Variants in MYH15 observed in about 807,000 individuals in gnomAD.
MYH15 encodes the protein myosin-15.
In MYH15, 227 loss-of-function variants were observed where a neutral mutation model predicts 240.5. The ratio of observed to expected loss-of-function variants is 0.94; its 90% CI spans 0.85 to 1.05. The LOEUF (loss-of-function observed/expected upper bound fraction) is 1.05. Among genes scored for constraint, MYH15 ranks in the 50% least tolerant of loss-of-function variants. The probability of loss-of-function intolerance (pLI) is 0.00; values close to 1 mark genes in which losing one functional copy is unlikely to be tolerated. For missense variants in MYH15, 2,217 were observed against 2,247.5 expected (o/e 0.99, Z 0.27); for synonymous variants, 785 against 796.7 (o/e 0.99, Z 0.25).
At chr3:108,437,724 C>T in intron 24 of MYH15, 25 bp from the exon 25 acceptor site, 1 of 1,601,176 alleles carries the variant, frequency 6.2e-7, no homozygotes, top group South Asian at 1.1e-5. Flanking sequence ...CATTATTTAG[C>T]TAAATAAATA....
At chr3:108,437,440 G>T in intron 25 of MYH15, 114 bp downstream of exon 25, 1 of 1,325,876 alleles carries the variant, frequency 7.5e-7, no homozygotes, top group Non-Finnish European at 1.0e-6. Flanking sequence ...TGTTATCCTT[G>T]CCTTGGGTCT....
At chr3:108,442,242 G>A (rs1213520980) in intron 22 of MYH15, among the ~76,000 whole-genome samples, 1 of 152,102 alleles carries the variant, frequency 6.6e-6, no homozygotes, top group Non-Finnish European at 1.5e-5. Context: ...GGGGGGCTGG[G>A]GGGAGGTAAA....
intron 16 of MYH15, among the ~76,000 whole-genome samples, chr3:108,462,245 C>T (rs1407970908): frequency 1.3e-5 from 2 of 152,052 alleles, no homozygotes; most frequent in African/African-American, 4.8e-5. Context: ...TCAGTATCTT[C>T]AAATCCATCA....
intron 29 of MYH15, among the ~76,000 whole-genome samples, chr3:108,415,306 GT>G (rs1481972781): frequency 1.3e-5 from 2 of 152,148 alleles, no homozygotes; most frequent in Non-Finnish European, 2.9e-5. Context: ...AGGGCACAAG[GT>G]TTAGTTAATG....
At chr3:108,424,316 C>T (rs1041022920) in intron 27 of MYH15, among the ~76,000 whole-genome samples, 1 of 152,210 alleles carries the variant, frequency 6.6e-6, no homozygotes, top group Non-Finnish European at 1.5e-5. Context: ...CTGCTAACCA[C>T]TGGTATAGTG....
intron 14 of MYH15, among the ~76,000 whole-genome samples, chr3:108,467,796 G>A (rs1202262106): frequency 6.6e-6 from 1 of 152,008 alleles, no homozygotes; most frequent in Non-Finnish European, 1.5e-5. Flanking sequence ...AATTATTGAT[G>A]TACAAGTTCT....
At chr3:108,467,667 T>C (rs2083131500) in intron 14 of MYH15, among the ~76,000 whole-genome samples, 1 of 152,214 alleles carries the variant, frequency 6.6e-6, no homozygotes, top group South Asian at 2.1e-4. Context: ...AAATGAATAG[T>C]AAGTTTTTAA....
chr3:108,411,887 G>A (rs1228931706), intron 30 of MYH15, among the ~76,000 whole-genome samples: 1 of 152,168 alleles, frequency 6.6e-6, no homozygotes, highest in African/African-American at 2.4e-5. Context: ...TATGTGCTCA[G>A]GATCCAGGAA....
the MYH15 span, among the ~76,000 whole-genome samples, chr3:108,540,072 A>T: frequency 1.3e-5 from 2 of 152,086 alleles, no homozygotes; most frequent in African/African-American, 4.8e-5. Context: ...AAAGCACACT[A>T]AAAAAAATCC....
intron 2 of MYH15, among the ~76,000 whole-genome samples, chr3:108,505,522 G>A (rs558439033): frequency 5.9e-5 from 9 of 152,076 alleles, no homozygotes; most frequent in African/African-American, 1.2e-4. Flanking sequence ...TGCCTGCCTC[G>A]GCCTCCCAAA....
intron 39 of MYH15, 139 bp from the exon 40 acceptor site, chr3:108,383,868 G>A: frequency 1.5e-6 from 1 of 654,650 alleles, no homozygotes; most frequent in East Asian, 3.0e-5. Flanking sequence ...ATCATATTTT[G>A]GTATGATATA....
chr3:108,493,805 G>C (rs1172694325), intron 7 of MYH15, among the ~76,000 whole-genome samples: 1 of 152,228 alleles, frequency 6.6e-6, no homozygotes, highest in African/African-American at 2.4e-5. Context: ...AAGCCATGTA[G>C]AACACGGGAA....
chr3:108,404,066 G>A (rs944191691), intron 33 of MYH15, among the ~76,000 whole-genome samples: 1 of 151,964 alleles, frequency 6.6e-6, no homozygotes, highest in Non-Finnish European at 1.5e-5. Flanking sequence ...TCAAGGCCCA[G>A]GGTTTTTGCC....
chr3:108,423,791 GCA>G (rs138924256), intron 27 of MYH15, among the ~76,000 whole-genome samples: 1 of 152,136 alleles, frequency 6.6e-6, no homozygotes, highest in African/African-American at 2.4e-5. Context: ...CTGTGCAGAT[GCA>G]CACACACACA....
chr3:108,424,735 ATAAAG>A lies in MYH15; in HGVS notation c.3703-3526_3703-3522del, dbSNP rs1044606040. ...TCTTGCCATTATAATTCATAAAATG[ATAAAG>A]TAAACAATTCAAGGAACAGTTTAGC... is the stretch of plus-strand genomic sequence containing the variant. On this transcript the variant is annotated intron_variant, in intron 27 of 40. Coordinates refer to ENST00000693548, the MANE Select transcript of MYH15 (RefSeq NM_014981.3). 9.2e-5 allele frequency among the ~76,000 whole-genome samples: 14 copies of A among 152,378 alleles called. 1 individual carries two copies. The highest frequency in any genetic ancestry group is 7.2e-4 in the Admixed American group (11 of 15,310).
In MYH15 at chr3:108,441,183, T is replaced by C. The variant is rs1294943739; in HGVS notation, c.2733A>G (p.Val911=). The change falls in exon 23 of 41, where the codon GTA becomes GTG. Residue 911 remains valine (V), a synonymous_variant. Transcript: ENST00000693548. ...IKSKIQLEAR[V]KELSERVEEE... ...CCTCCACCCTCTCCGACAGCTCCTT[T>C]ACTCTGGCCTCCAGCTGGATCTTGG... The C allele has an allele frequency of 1.9e-6, 3 of 1,614,014 alleles. No homozygotes were observed. The highest frequency in any genetic ancestry group is 2.2e-5 in the East Asian group (1 of 44,900).
chr3:108,492,662 T>A, intron 8 of MYH15, 67 bp from the exon 9 acceptor site: 1 of 1,226,834 alleles, frequency 8.2e-7, no homozygotes, highest in East Asian at 2.4e-5. Flanking sequence ...AGAAAAGTAA[T>A]CAGGCTGAGC....
chr3:108,442,998 T>A (rs1219120795), intron 22 of MYH15, among the ~76,000 whole-genome samples: 5 of 152,102 alleles, frequency 3.3e-5, no homozygotes. Flanking sequence ...TTGTCTACCA[T>A]GCCCTACACA....
intron 11 of MYH15, 86 bp from the exon 12 acceptor site, chr3:108,476,601 G>A (rs1363086473): frequency 2.4e-6 from 2 of 844,976 alleles, no homozygotes; most frequent in South Asian, 1.5e-5. Flanking sequence ...ACTACCCAGA[G>A]GACAGAAAGA....
Sources: gnomAD v4.1 joint callset for allele counts (sites outside exome capture counted in the v4.1 genomes callset) on GRCh38, gnomAD v4.1.1 for gene constraint, MANE v1.5 for transcripts, NCBI Gene and HGNC (gene_info 2026-07-23, HGNC 2026-07-21) for gene names.